ELOVL5: variants seen among roughly 807,000 people sequenced by gnomAD.
ELOVL5 encodes the protein ELOVL fatty acid elongase 5.
In ELOVL5, 8 loss-of-function variants were observed where a neutral mutation model predicts 38.6. That is an observed-to-expected ratio of 0.21 (90% confidence interval 0.12 to 0.37). The LOEUF is 0.37. Ranked by LOEUF, ELOVL5 falls within the 10% of genes least tolerant of loss-of-function variation. ELOVL5 has a pLI of 1.00. For synonymous variants in ELOVL5, 127 were observed against 133.7 expected, an observed-to-expected ratio of 0.95 and a Z score of 0.34; for missense variants, 280 against 367.8, an observed-to-expected ratio of 0.76 and a Z score of 1.95.
intron 4 of ELOVL5, 93 bp from the exon 5 acceptor site, chr6:53,275,354 TG>T (rs1766072164): frequency 6.6e-6 from 9 of 1,369,094 alleles, no homozygotes; most frequent in Non-Finnish European, 8.2e-6. Context: ...AAAAATCTGA[TG>T]TCAACTCGGA....
intron 1 of ELOVL5, among the ~76,000 whole-genome samples, chr6:53,309,410 G>A (rs1042557105): frequency 1.2e-4 from 19 of 152,124 alleles, no homozygotes; most frequent in Admixed American, 1.3e-4. Flanking sequence ...GTTGAGAAAC[G>A]TGGGCTCTGG....
intron 1 of ELOVL5, among the ~76,000 whole-genome samples, chr6:53,298,900 C>CGGGGGGGGGGAGGGGGG (rs1767132401): frequency 1.3e-5 from 1 of 79,384 alleles, no homozygotes; most frequent in Non-Finnish European, 2.6e-5. Flanking sequence ...GGGGGCAAGG[C>CGGGGGGGGGGAGGGGGG]GGGGGGGGGG....
In ELOVL5 at chr6:53,315,801, A is replaced by G. The variant is rs150476977; in HGVS notation, c.-8-20094T>C. On this transcript the variant is annotated intron_variant, in intron 1 of 7. Coordinates refer to ENST00000304434, the MANE Select transcript of ELOVL5 (RefSeq NM_021814.5). ...AAAACCCTAGCTGTCAGTGGAGGAC[A>G]GATCTCCAGACCAGCCCTAAAATAC... Among the ~76,000 whole-genome samples, 428 of 152,366 alleles carry G rather than the reference A, an allele frequency of 2.8e-3. 4 individuals carry two copies. Among genetic ancestry groups the G allele is most frequent in the African/African-American group, 9.8e-3 (406 of 41,584 alleles).
chr6:53,272,846 C>A (rs1765974877), intron 6 of ELOVL5, among the ~76,000 whole-genome samples: 1 of 152,184 alleles, frequency 6.6e-6, no homozygotes, highest in Non-Finnish European at 1.5e-5. Flanking sequence ...TACTCTCCAG[C>A]TCCTTCTAAA....
At chr6:53,289,946 T>C (rs187576903) in intron 3 of ELOVL5, 5 of 152,364 alleles carry the variant, frequency 3.3e-5, no homozygotes, top group Admixed American at 2.6e-4. Flanking sequence ...AAACATTGCC[T>C]CTTTGTCTAT....
At chr6:53,335,872 TTC>T (rs1259653006) in intron 1 of ELOVL5, among the ~76,000 whole-genome samples, 4 of 152,148 alleles carry the variant, frequency 2.6e-5, no homozygotes, top group Admixed American at 6.5e-5. Flanking sequence ...CGCTTCTACT[TTC>T]TGTTTCTTCT....
chr6:53,270,480 G>C lies in ELOVL5; in HGVS notation c.756+113C>G, dbSNP rs1765878145. The stretch of plus-strand genomic sequence containing the variant: ...TGCTCTTGTCATAGTGACTCCATTA[G>C]AGGCCAGAGCCTGTCACCCAGCAAG... On this transcript the variant is annotated intron_variant, in intron 7 of 7. Coordinates refer to ENST00000304434, the MANE Select transcript of ELOVL5 (RefSeq NM_021814.5). 4 of 1,186,232 alleles carry C rather than the reference G, an allele frequency of 3.4e-6. No individual in the cohort carries two copies. In the East Asian group the frequency reaches 9.8e-5, roughly 29 times the overall value. 73.5% of individuals were successfully genotyped at this position (1,186,232 alleles called of 1,614,324 possible). A position where few individuals can be genotyped will look rare whatever the true frequency, so the allele number is the denominator to read the frequency against.
At chr6:53,275,739 A>G (rs1766086968) in intron 4 of ELOVL5, among the ~76,000 whole-genome samples, 1 of 152,238 alleles carries the variant, frequency 6.6e-6, no homozygotes, top group Non-Finnish European at 1.5e-5. Flanking sequence ...AACATGTCAA[A>G]CAAGTGCTCT....
At chr6:53,327,319 A>C (rs1012758595) in intron 1 of ELOVL5, among the ~76,000 whole-genome samples, 2 of 152,130 alleles carry the variant, frequency 1.3e-5, no homozygotes, top group African/African-American at 4.8e-5. Context: ...TGAGATCTGG[A>C]CAGTCCCTAT....
chr6:53,302,122 A>G (rs1162638621), intron 1 of ELOVL5, among the ~76,000 whole-genome samples: 1 of 152,168 alleles, frequency 6.6e-6, no homozygotes, highest in East Asian at 1.9e-4. Context: ...CCTGGAATAC[A>G]AAAACCTGGA....
intron 1 of ELOVL5, among the ~76,000 whole-genome samples, chr6:53,300,743 G>T (rs930500596): frequency 1.3e-5 from 2 of 152,178 alleles, no homozygotes; most frequent in Non-Finnish European, 2.9e-5. Flanking sequence ...CACTCCGTCT[G>T]GTGCCCAGGC....
At chr6:53,315,530 T>C (rs1275380588) in intron 1 of ELOVL5, among the ~76,000 whole-genome samples, 1 of 152,234 alleles carries the variant, frequency 6.6e-6, no homozygotes, top group Non-Finnish European at 1.5e-5. Context: ...AGTCAAGTTA[T>C]CAAAACACAT....
chr6:53,314,269 T>A (rs1053733669), intron 1 of ELOVL5, among the ~76,000 whole-genome samples: 1 of 152,204 alleles, frequency 6.6e-6, no homozygotes, highest in Admixed American at 6.6e-5. Context: ...AATTCAACTC[T>A]AGGCTGTCAT....
At chr6:53,287,715 C>T (rs771612642) in intron 3 of ELOVL5, 4 of 665,936 alleles carry the variant, frequency 6.0e-6, no homozygotes, top group South Asian at 5.4e-5. Context: ...ATGAAAGAGC[C>T]TGGTGTTGCT....
Position 53,305,058 on chromosome 6 carries a change from AC to A in ELOVL5, c.-8-9352del, listed in dbSNP as rs527518063. 7.0e-3 allele frequency among the ~76,000 whole-genome samples: 853 copies of A among 121,708 alleles called. 8 individuals are homozygous for A. The highest frequency in any genetic ancestry group is 0.026 in the African/African-American group (804 of 30,686). 79.8% of individuals were successfully genotyped at this position (121,708 alleles called of 152,430 possible). Reference sequence around the variant, plus strand: ...GGGCGGCTGGCCGGGCGGGGGGCTGACCCCCCCCACCTCCCTCCCGGACGGG... The same window carrying A: ...GGGCGGCTGGCCGGGCGGGGGGCTGACCCCCCCACCTCCCTCCCGGACGGG... On this transcript the variant is annotated intron_variant, in intron 1 of 7. Transcript: ENST00000304434.
chr6:53,347,164 T>A (rs1172738607), intron 1 of ELOVL5, among the ~76,000 whole-genome samples: 2 of 152,214 alleles, frequency 1.3e-5, no homozygotes, highest in Non-Finnish European at 2.9e-5. Context: ...ACATTACCTA[T>A]CTGTAACTAT....
At chr6:53,321,009 G>A (rs1768284423) in intron 1 of ELOVL5, among the ~76,000 whole-genome samples, 4 of 152,168 alleles carry the variant, frequency 2.6e-5, no homozygotes, top group Admixed American at 2.0e-4. Context: ...TAGGGAAAGA[G>A]CAATTACAAT....
intron 1 of ELOVL5, among the ~76,000 whole-genome samples, chr6:53,307,158 T>C (rs1177418054): frequency 6.6e-6 from 1 of 152,184 alleles, no homozygotes; most frequent in African/African-American, 2.4e-5. Context: ...GTATTGCTTG[T>C]GAGGAACAGG....
At chr6:53,321,039 C>A in intron 1 of ELOVL5, among the ~76,000 whole-genome samples, 1 of 152,008 alleles carries the variant, frequency 6.6e-6, no homozygotes, top group African/African-American at 2.4e-5. Context: ...CAACTGAATC[C>A]TTCCACCCAC....
Sources: gnomAD v4.1 joint callset for allele counts (sites outside exome capture counted in the v4.1 genomes callset) on GRCh38, gnomAD v4.1.1 for gene constraint, MANE v1.5 for transcripts, NCBI Gene and HGNC (gene_info 2026-07-23, HGNC 2026-07-21) for gene names.